The following BRSK2 variants were observed in gnomAD, a reference collection of about 807,000 sequenced individuals.
BRSK2 encodes serine/threonine-protein kinase BRSK2.
A neutral mutation model predicts 83.3 loss-of-function variants in BRSK2; 19 were observed. The ratio of observed to expected loss-of-function variants is 0.23; its 90% CI spans 0.16 to 0.33. BRSK2 has a LOEUF of 0.33. Among genes scored for constraint, BRSK2 ranks in the 10% least tolerant of loss-of-function variants. BRSK2 has a pLI of 1.00. For synonymous variants in BRSK2, 519 were observed against 435.4 expected (o/e 1.19, Z -2.39); for missense variants, 798 against 1,042.3 (o/e 0.77, Z 3.23).
At chr11:1,409,174 C>T (rs1847152394) in intron 1 of BRSK2, among the ~76,000 whole-genome samples, 1 of 152,196 alleles carries the variant, frequency 6.6e-6, no homozygotes, top group Non-Finnish European at 1.5e-5. Context: ...CTCTGTTTCT[C>T]TGCCCCGCCC....
chr11:1,435,824 G>A (rs1448737671), intron 1 of BRSK2, among the ~76,000 whole-genome samples: 6 of 151,888 alleles, frequency 4.0e-5, no homozygotes, highest in African/African-American at 7.3e-5. Context: ...CCAAAGGGCC[G>A]GCGTGGAGGG....
intron 1 of BRSK2, among the ~76,000 whole-genome samples, chr11:1,405,756 G>A (rs1846828638): frequency 1.3e-5 from 2 of 152,054 alleles, no homozygotes; most frequent in Admixed American, 6.5e-5. Context: ...GGGGAGGTCC[G>A]TCCTTTCCTG....
chr11:1,437,799 C>T (rs531255426), intron 2 of BRSK2, among the ~76,000 whole-genome samples: 3 of 152,320 alleles, frequency 2.0e-5, no homozygotes, highest in Non-Finnish European at 4.4e-5. Context: ...CCTGGGAGGC[C>T]TTATCTCCAA....
chr11:1,426,938 G>A (rs1279088214), intron 1 of BRSK2, among the ~76,000 whole-genome samples: 4 of 152,112 alleles, frequency 2.6e-5, no homozygotes, highest in African/African-American at 4.8e-5. Context: ...TGGGGGGGCG[G>A]CACCCCAGGC....
intron 1 of BRSK2, among the ~76,000 whole-genome samples, chr11:1,408,150 C>T (rs1351405677): frequency 1.3e-5 from 2 of 152,240 alleles, no homozygotes; most frequent in Non-Finnish European, 2.9e-5. Flanking sequence ...GGAGCACAGG[C>T]GGGCCTGGCC....
At chr11:1,419,156 GCCTTT>G (rs1473576572) in intron 1 of BRSK2, among the ~76,000 whole-genome samples, 16 of 146,268 alleles carry the variant, frequency 1.1e-4, no homozygotes, top group African/African-American at 1.3e-4. Context: ...GGCGGGGGGG[GCCTTT>G]GCTCAGCTGT....
chr11:1,394,853 GC>G (rs530012387), intron 1 of BRSK2, among the ~76,000 whole-genome samples: 6 of 102,582 alleles, frequency 5.8e-5, no homozygotes, highest in Non-Finnish European at 1.3e-4. Flanking sequence ...CTGGAGATGG[GC>G]CCCTGGAGAT....
chr11:1,426,271 TGTGTGTGGGGCGTGCTC>T (rs1849210456), intron 1 of BRSK2, among the ~76,000 whole-genome samples: 1 of 146,764 alleles, frequency 6.8e-6, no homozygotes, highest in South Asian at 2.3e-4. Context: ...GCTCCGGGGA[TGTGTGTGGGGCGTGCTC>T]TGGGGATGTG....
At chr11:1,402,236 A>T (rs1263656659) in intron 1 of BRSK2, among the ~76,000 whole-genome samples, 1 of 152,196 alleles carries the variant, frequency 6.6e-6, no homozygotes, top group Non-Finnish European at 1.5e-5. Context: ...CGGGGCAGGC[A>T]CAGCAGGCTG....
At chr11:1,448,027 G>T (rs1275938177) in intron 12 of BRSK2, among the ~76,000 whole-genome samples, 2 of 152,188 alleles carry the variant, frequency 1.3e-5, no homozygotes, top group Admixed American at 1.3e-4. Flanking sequence ...GGGCCAGGCA[G>T]AGGCCGAGGA....
rs780099508 is a variant in BRSK2 at position 1,434,590 on chromosome 11, AG to A, written c.92-1449del. ...CTCTGGGTGTCTGGGGGCACCCAGG[AG>A]TGGGGTCCCCTGTGATAACCTGGGC... is the stretch of plus-strand genomic sequence containing the variant. On this transcript the variant is annotated intron_variant, in intron 1 of 19. Coordinates refer to ENST00000528841, the MANE Select transcript of BRSK2 (RefSeq NM_001256627.2). 3.0e-5 allele frequency among the ~76,000 whole-genome samples: 4 copies of A among 134,958 alleles called. No homozygotes were observed. The East Asian group carries it at 9.1e-4, about 31-fold the overall frequency. The allele number at this position is 134,958 out of a possible 152,430, so 88.5% of individuals were successfully genotyped here.
chr11:1,453,342 G>T (rs1053808715), intron 15 of BRSK2, among the ~76,000 whole-genome samples: 2 of 152,230 alleles, frequency 1.3e-5, no homozygotes, highest in Non-Finnish European at 2.9e-5. Context: ...CCCCTGGGCC[G>T]CAAAGCAGAG....
chr11:1,451,689 C>T (rs1254164269), intron 15 of BRSK2, among the ~76,000 whole-genome samples: 1 of 152,192 alleles, frequency 6.6e-6, no homozygotes, highest in Admixed American at 6.5e-5. Context: ...GCAGGGGGTA[C>T]ACTGGGCAGA....
intron 1 of BRSK2, among the ~76,000 whole-genome samples, chr11:1,411,837 C>G (rs1339611227): frequency 2.0e-5 from 3 of 152,214 alleles, no homozygotes; most frequent in Non-Finnish European, 2.9e-5. Flanking sequence ...TGGAGAGGCT[C>G]CTGCCCACTG....
chr11:1,427,209 A>G (rs942554181), intron 1 of BRSK2, among the ~76,000 whole-genome samples: 7 of 152,056 alleles, frequency 4.6e-5, no homozygotes, highest in African/African-American at 1.7e-4. Context: ...CTGCCCCTCC[A>G]GAAAGTGCCA....
At chr11:1,447,500 C>T (rs985781806) in intron 12 of BRSK2, among the ~76,000 whole-genome samples, 23 of 152,332 alleles carry the variant, frequency 1.5e-4, no homozygotes, top group Admixed American at 1.1e-3. Context: ...GATTCCACTC[C>T]TGGTGGGGCC....
intron 4 of BRSK2, 175 bp from the exon 5 acceptor site, chr11:1,442,314 AC>A: frequency 1.8e-6 from 1 of 558,904 alleles, no homozygotes; most frequent in Non-Finnish European, 3.3e-6. Context: ...AGCCAAACGG[AC>A]CAGGCAGGCG....
At chr11:1,401,342 T>C (rs901997039) in intron 1 of BRSK2, among the ~76,000 whole-genome samples, 1 of 152,116 alleles carries the variant, frequency 6.6e-6, no homozygotes. Context: ...ACGCCCGGGG[T>C]GCGGGTGCCC....
intron 1 of BRSK2, chr11:1,411,625 G>C: frequency 6.4e-7 from 1 of 1,553,974 alleles, no homozygotes. Flanking sequence ...CTGCAGCCCA[G>C]CCCAGCAGGT....
Sources: allele counts gnomAD v4.1 joint callset (sites outside exome capture counted in the v4.1 genomes callset), GRCh38; gene constraint gnomAD v4.1.1; transcripts MANE v1.5; gene names NCBI Gene and HGNC (gene_info 2026-07-23, HGNC 2026-07-21).